LPCAT2: variants seen among roughly 807,000 people sequenced by gnomAD.
LPCAT2 encodes the protein 1-AGP acyltransferase 11.
In LPCAT2, 58 loss-of-function variants were observed where a neutral mutation model predicts 64.7. The observed-to-expected ratio is 0.90, with a 90% confidence interval of 0.73 to 1.12. The LOEUF is 1.12. Among genes scored for constraint, LPCAT2 ranks in the 50% most tolerant of loss-of-function variants. The pLI is 0.00. For synonymous variants in LPCAT2, 252 were observed against 245.3 expected, an observed-to-expected ratio of 1.03 and a Z score of -0.26; for missense variants, 579 against 669.8, an observed-to-expected ratio of 0.86 and a Z score of 1.50.
At chr16:55,562,498 T>G (rs1312158780) in intron 11 of LPCAT2, among the ~76,000 whole-genome samples, 3 of 151,940 alleles carry the variant, frequency 2.0e-5, no homozygotes, top group African/African-American at 7.2e-5. Flanking sequence ...TAAAATACAT[T>G]TGTATCTTTC....
rs1963722373 is a variant in LPCAT2, at chr16:55,567,692, C to T, written c.1216-6939C>T. 4 of 611,506 alleles carry T rather than the reference C, an allele frequency of 6.5e-6. No individual in the cohort carries two copies. The South Asian group carries it at 9.2e-5, about 14-fold the overall frequency. 37.9% of individuals were successfully genotyped at this position (611,506 alleles called of 1,614,324 possible). On this transcript the variant is annotated intron_variant, in intron 11 of 13. Transcript: ENST00000262134. ...AAACAGATATTTCACGAAAAATGTT[C>T]TGAGTGGTTTGTATATCAGCTTTTT...
intron 11 of LPCAT2, among the ~76,000 whole-genome samples, chr16:55,557,980 A>G (rs1963596236): frequency 6.6e-6 from 1 of 152,174 alleles, no homozygotes; most frequent in Non-Finnish European, 1.5e-5. Flanking sequence ...AGTTTGGGAT[A>G]ATTTCCTTTG....
intron 11 of LPCAT2, among the ~76,000 whole-genome samples, chr16:55,572,904 G>T (rs1164034223): frequency 6.6e-6 from 1 of 152,090 alleles, no homozygotes; most frequent in Admixed American, 6.6e-5. Context: ...GAATGTAAAT[G>T]TAATCAACAC....
At chr16:55,522,849 A>G (rs1308893871) in intron 1 of LPCAT2, among the ~76,000 whole-genome samples, 2 of 151,762 alleles carry the variant, frequency 1.3e-5, no homozygotes, top group Admixed American at 6.6e-5. Flanking sequence ...AGTGAAAATC[A>G]TACAGCTTCT....
At chr16:55,567,897 A>G (rs1963724969) in intron 11 of LPCAT2, among the ~76,000 whole-genome samples, 1 of 152,218 alleles carries the variant, frequency 6.6e-6, no homozygotes, top group Admixed American at 6.5e-5. Context: ...ATAAATCAAG[A>G]AAGCCCTCAG....
Position 55,532,891 on chromosome 16 carries a change from A to T in LPCAT2, c.762+9A>T. 1 of 1,609,300 alleles carries T rather than the reference A, an allele frequency of 6.2e-7. No homozygotes were observed. ...GATACCCAAACAAGCTGGTAAGCAC[A>T]GTATTTTACCACAGGAAGAATTTCA... On this transcript the variant is annotated intron_variant, in intron 6 of 13. Coordinates refer to ENST00000262134, the MANE Select transcript of LPCAT2 (RefSeq NM_017839.5).
At chr16:55,549,237 T>TAAAA in intron 9 of LPCAT2, 40 bp from the exon 10 acceptor site, 1 of 1,332,322 alleles carries the variant, frequency 7.5e-7, no homozygotes, top group South Asian at 1.4e-5. Context: ...CTTTTTTTTT[T>TAAAA]AAAAAAAATG....
At position 55,584,593 on chromosome 16, in the gene LPCAT2, T is replaced by TCTTTTATTTC. The variant is rs1388740055; in HGVS notation, c.*1495_*1496insCTTTTATTTC. 6.6e-6 allele frequency: 1 copy of TCTTTTATTTC among 152,204 alleles called. No individual in the cohort carries two copies. The highest frequency in any genetic ancestry group is 1.5e-5 in the Non-Finnish European group (1 of 68,022). 9.4% of individuals were successfully genotyped at this position (152,204 alleles called of 1,614,324 possible). A position where few individuals can be genotyped will look rare whatever the true frequency, so the allele number is the denominator to read the frequency against. The stretch of plus-strand genomic sequence containing the variant: ...CATTTTCTGAATTCAGTCTTTGAAA[T>TCTTTTATTTC]AAAACTCCTTGTTTTGGCCGTGTTT... On this transcript the variant is annotated 3_prime_UTR_variant, in exon 14 of 14. Transcript: ENST00000262134.
At chr16:55,569,402 A>G (rs188934226) in intron 11 of LPCAT2, among the ~76,000 whole-genome samples, 108 of 152,344 alleles carry the variant, frequency 7.1e-4, no homozygotes, top group African/African-American at 2.5e-3. Flanking sequence ...CTATTTTAGA[A>G]TAAGTCCAGG....
intron 11 of LPCAT2, among the ~76,000 whole-genome samples, chr16:55,564,863 C>T (rs1286532553): frequency 6.6e-6 from 1 of 151,874 alleles, no homozygotes; most frequent in Non-Finnish European, 1.5e-5. Flanking sequence ...AAATTTTAAA[C>T]TTTTGTGCAT....
At chr16:55,532,986 G>T (rs1596860037) in intron 6 of LPCAT2, 104 bp downstream of exon 6, 2 of 930,374 alleles carry the variant, frequency 2.1e-6, no homozygotes, top group East Asian at 5.5e-5. Context: ...CAGATAAATG[G>T]TGGAAGCAAA....
chr16:55,573,392 T>TG (rs1963791476), intron 11 of LPCAT2, among the ~76,000 whole-genome samples: 2 of 124,340 alleles, frequency 1.6e-5, no homozygotes, highest in Non-Finnish European at 3.9e-5. Context: ...GTTTGTTTTT[T>TG]TGTTTTTTTT....
intron 13 of LPCAT2, among the ~76,000 whole-genome samples, chr16:55,580,667 G>A (rs1963877926): frequency 6.6e-6 from 1 of 152,148 alleles, no homozygotes; most frequent in South Asian, 2.1e-4. Context: ...GTTTAAATGT[G>A]ATCCTTTAAA....
intron 8 of LPCAT2, 67 bp downstream of exon 8, chr16:55,537,699 T>A: frequency 7.6e-7 from 1 of 1,322,530 alleles, no homozygotes; most frequent in Non-Finnish European, 1.1e-6. Flanking sequence ...GAACCTCTAG[T>A]CTAGAGAGAC....
chr16:55,526,795 A>G lies in LPCAT2; in HGVS notation c.311+1148A>G, dbSNP rs149106388. The stretch of plus-strand genomic sequence containing the variant: ...AGGAATAGTCTAAATAATCCAGACA[A>G]TAGATATAATAAATGTTAGAAAAGA... On this transcript the variant is annotated intron_variant, in intron 2 of 13. Transcript: ENST00000262134. 2.0e-4 allele frequency among the ~76,000 whole-genome samples: 30 copies of G among 152,340 alleles called. No individual in the cohort carries two copies. In the East Asian group the frequency reaches 5.6e-3, roughly 28 times the overall value.
intron 5 of LPCAT2, 179 bp from the exon 6 acceptor site, chr16:55,532,645 T>TAAA (rs35836363): frequency 6.8e-5 from 19 of 281,258 alleles, no homozygotes; most frequent in East Asian, 1.3e-4. Flanking sequence ...AGTTCTTAAT[T>TAAA]AAAAAAAAAA....
intron 8 of LPCAT2, chr16:55,538,366 T>C (rs1963350216): frequency 6.6e-6 from 1 of 152,138 alleles, no homozygotes; most frequent in Admixed American, 6.6e-5. Context: ...CATCCATGGA[T>C]TGTGTAACGA....
At position 55,582,943 on chromosome 16, in the gene LPCAT2, C is replaced by G; in HGVS notation, c.1480C>G (p.Pro494Ala). 6.2e-7 allele frequency: 1 copy of G among 1,612,602 alleles called. No homozygotes were observed. The highest frequency in any genetic ancestry group is 8.5e-7 in the Non-Finnish European group (1 of 1,179,062). ...ATTTAAAAGTTTTGCCTTAAAGCAT[C>G]CAGAATATGCTAAGATATTTACAAC... Reference protein sequence around the residue: ...EEFKSFALKHPEYAKIFTTYL... With the variant: ...EEFKSFALKHAEYAKIFTTYL... Residue 494 changes from proline to alanine, a missense_variant, in exon 14 of 14, where the codon CCA becomes GCA. By Grantham distance (27) the Pro-to-Ala change is conservative. Transcript: ENST00000262134.
At chr16:55,509,383 G>C in intron 1 of LPCAT2, 31 bp downstream of exon 1, 2 of 1,335,126 alleles carry the variant, frequency 1.5e-6, no homozygotes, top group South Asian at 3.9e-5. Context: ...GGGAGAGGTG[G>C]TCTGAGGGGG....
Sources: allele counts gnomAD v4.1 joint callset (sites outside exome capture counted in the v4.1 genomes callset), GRCh38; gene constraint gnomAD v4.1.1; transcripts MANE v1.5; gene names NCBI Gene and HGNC (gene_info 2026-07-23, HGNC 2026-07-21).